TNFAIP8L1: variants seen among roughly 807,000 people sequenced by gnomAD.
The protein encoded by TNFAIP8L1 is tumor necrosis factor alpha-induced protein 8-like protein 1.
For synonymous variants in TNFAIP8L1, 127 were observed against 125.6 expected (o/e 1.01, Z -0.08); for missense variants, 225 against 266.1 (o/e 0.85, Z 1.08).
rs1485267674 is a variant in TNFAIP8L1 at position 4,654,830 on chromosome 19, G to A, written c.*2400G>A. ...TCAGCAGGGGGCAGGGGTTCTCAAA[G>A]ATTGCAAAATGCTGCTGCAGGTCAG... is the stretch of plus-strand genomic sequence containing the variant. On this transcript the variant is annotated 3_prime_UTR_variant, in exon 2 of 2. Transcript: ENST00000327473. 1.3e-5 allele frequency: 2 copies of A among 152,208 alleles called. No homozygotes were observed. The highest frequency in any genetic ancestry group is 6.6e-5 in the Admixed American group (1 of 15,266). 9.4% of individuals were successfully genotyped at this position (152,208 alleles called of 1,614,324 possible). A position where few individuals can be genotyped will look rare whatever the true frequency, so the allele number is the denominator to read the frequency against.
chr19:4,651,069 A>G (rs1425134673), intron 1 of TNFAIP8L1, among the ~76,000 whole-genome samples: 2 of 152,174 alleles, frequency 1.3e-5, no homozygotes, highest in African/African-American at 4.8e-5. Flanking sequence ...AGGCACTGCC[A>G]TAGTAATGGG....
rs537444430 is a variant in TNFAIP8L1 at position 4,645,522 on chromosome 19, C to T, written c.-4+5893C>T. On this transcript the variant is annotated intron_variant, in intron 1 of 1. Coordinates refer to ENST00000327473, the MANE Select transcript of TNFAIP8L1 (RefSeq NM_152362.3). The surrounding 1 kb of genome is among the most constrained non-coding windows in gnomAD (Gnocchi z 4.1). ...GCTTGAATCCGGGAGGCAGAGGTTG[C>T]AGTGAGCTGAGATTTGGCCACTGCA... 9.9e-5 allele frequency among the ~76,000 whole-genome samples: 15 copies of T among 152,066 alleles called. No individual in the cohort carries two copies. Among genetic ancestry groups the T allele is most frequent in the Admixed American group, 8.5e-4 (13 of 15,270 alleles).
intron 1 of TNFAIP8L1, among the ~76,000 whole-genome samples, chr19:4,644,078 G>A (rs1336086195): frequency 4.0e-5 from 6 of 149,698 alleles, no homozygotes; most frequent in Non-Finnish European, 7.4e-5. Flanking sequence ...AAAATTAACC[G>A]GGCGTGGTGG....
intron 1 of TNFAIP8L1, among the ~76,000 whole-genome samples, chr19:4,643,071 G>C (rs2088277760): frequency 6.6e-6 from 1 of 151,972 alleles, no homozygotes; most frequent in Non-Finnish European, 1.5e-5. Context: ...CTGAGGTCAG[G>C]AGTTGGAGAC....
intron 1 of TNFAIP8L1, among the ~76,000 whole-genome samples, chr19:4,651,519 C>G (rs1001309767): frequency 6.6e-5 from 10 of 151,920 alleles, no homozygotes; most frequent in African/African-American, 2.2e-4. Flanking sequence ...TCACTGCAAC[C>G]TCCGCCTCCC....
At chr19:4,647,763 C>T (rs1046168507) in intron 1 of TNFAIP8L1, among the ~76,000 whole-genome samples, 7 of 151,956 alleles carry the variant, frequency 4.6e-5, no homozygotes, top group African/African-American at 1.7e-4. Context: ...CCTGGGACCA[C>T]AGACCCGTGC....
At position 4,652,534 on chromosome 19, in the gene TNFAIP8L1, C is replaced by T; in HGVS notation, c.*104C>T. On this transcript the variant is annotated 3_prime_UTR_variant, in exon 2 of 2. Transcript: ENST00000327473. ...TTCCACCTCTTTTCTCCCAATCGGACTCCGGCCAAACTCCCCTAGACAGAT... is the reference window on the plus strand; with the variant it reads ...TTCCACCTCTTTTCTCCCAATCGGATTCCGGCCAAACTCCCCTAGACAGAT... 2 of 1,200,276 alleles carry T rather than the reference C, an allele frequency of 1.7e-6. No individual in the cohort carries two copies. Among genetic ancestry groups the T allele is most frequent in the Non-Finnish European group, 2.3e-6 (2 of 874,990 alleles). The allele number at this position is 1,200,276 out of a possible 1,614,324, so 74.4% of individuals were successfully genotyped here. A position where few individuals can be genotyped will look rare whatever the true frequency, so the allele number is the denominator to read the frequency against.
intron 1 of TNFAIP8L1, among the ~76,000 whole-genome samples, chr19:4,651,661 C>T (rs547337114): frequency 6.6e-6 from 1 of 152,196 alleles, no homozygotes; most frequent in Non-Finnish European, 1.5e-5. Flanking sequence ...AGGCTGGTCT[C>T]GCACTCCTAA....
intron 1 of TNFAIP8L1, among the ~76,000 whole-genome samples, chr19:4,642,642 C>T (rs1377634757): frequency 6.7e-6 from 1 of 150,268 alleles, no homozygotes; most frequent in Admixed American, 6.6e-5. Context: ...AGGCAGAGGG[C>T]ACAGGTTGTG....
At chr19:4,647,493 G>A (rs1229923762) in intron 1 of TNFAIP8L1, among the ~76,000 whole-genome samples, 1 of 150,934 alleles carries the variant, frequency 6.6e-6, no homozygotes, top group Admixed American at 6.6e-5. Context: ...TGTATTTTTA[G>A]TAGAGATAAG....
At chr19:4,643,970 C>T (rs1198749792) in intron 1 of TNFAIP8L1, among the ~76,000 whole-genome samples, 1 of 151,986 alleles carries the variant, frequency 6.6e-6, no homozygotes, top group Non-Finnish European at 1.5e-5. Flanking sequence ...CCTGTAATCC[C>T]AGCACTTTGG....
At position 4,652,451 on chromosome 19, in the gene TNFAIP8L1, C is replaced by T. The variant is rs562205943; in HGVS notation, c.*21C>T. 9 of 1,481,240 alleles carry T rather than the reference C, an allele frequency of 6.1e-6. No homozygotes were observed. The highest frequency in any genetic ancestry group is 5.1e-5 in the East Asian group (2 of 39,500). The allele number at this position is 1,481,240 out of a possible 1,614,324, so 91.8% of individuals were successfully genotyped here. On this transcript the variant is annotated 3_prime_UTR_variant, in exon 2 of 2. Coordinates refer to ENST00000327473, the MANE Select transcript of TNFAIP8L1 (RefSeq NM_152362.3). ...TCTGAACCCCGGCGCCGCCCAACCG[C>T]GCCCCTCGCGCCTTTTGGGGCTCTC...
At chr19:4,648,084 G>A (rs1268790193) in intron 1 of TNFAIP8L1, among the ~76,000 whole-genome samples, 3 of 152,212 alleles carry the variant, frequency 2.0e-5, no homozygotes, top group South Asian at 2.1e-4. Flanking sequence ...TGGGAATGAC[G>A]AATAGGCACA....
At position 4,645,788 on chromosome 19, in the gene TNFAIP8L1, CAGATG is replaced by C. The variant is rs2088305118; in HGVS notation, c.-3-6078_-3-6074del. Among the ~76,000 whole-genome samples the C allele has an allele frequency of 6.6e-6, 1 of 151,742 alleles. No individual in the cohort carries two copies. Among genetic ancestry groups the C allele is most frequent in the South Asian group, 2.1e-4 (1 of 4,818 alleles). ...AGTTGGTGCCTGGTCACCCATTTTGCAGATGGGAAAGCTGCCCCCATGCATGGGGC... is the reference window on the plus strand; with the variant it reads ...AGTTGGTGCCTGGTCACCCATTTTGCGGAAAGCTGCCCCCATGCATGGGGC... On this transcript the variant is annotated intron_variant, in intron 1 of 1. Coordinates refer to ENST00000327473, the MANE Select transcript of TNFAIP8L1 (RefSeq NM_152362.3). The surrounding 1 kb of genome is among the most constrained non-coding windows in gnomAD (Gnocchi z 4.1).
chr19:4,651,307 T>G (rs2088362304), intron 1 of TNFAIP8L1, among the ~76,000 whole-genome samples: 1 of 152,056 alleles, frequency 6.6e-6, no homozygotes, highest in Non-Finnish European at 1.5e-5. Context: ...CTCTGTTTGT[T>G]TATAATAATA....
At chr19:4,644,936 G>T (rs1345243872) in intron 1 of TNFAIP8L1, among the ~76,000 whole-genome samples, 1 of 152,170 alleles carries the variant, frequency 6.6e-6, no homozygotes, top group Admixed American at 6.5e-5. Context: ...TGGTGCAGTG[G>T]GACCCTGGGA....
chr19:4,648,689 G>A (rs978224655), intron 1 of TNFAIP8L1, among the ~76,000 whole-genome samples: 6 of 152,174 alleles, frequency 3.9e-5, no homozygotes, highest in African/African-American at 1.4e-4. Flanking sequence ...TTCAGCCTCA[G>A]GACTCACAGA....
chr19:4,647,715 G>A (rs1001611874), intron 1 of TNFAIP8L1, among the ~76,000 whole-genome samples: 13 of 148,470 alleles, frequency 8.8e-5, no homozygotes, highest in African/African-American at 3.0e-4. Context: ...TTGACCTCGT[G>A]GGCTCAAGCG....
At chr19:4,647,340 A>C (rs1489820273) in intron 1 of TNFAIP8L1, among the ~76,000 whole-genome samples, 1 of 151,844 alleles carries the variant, frequency 6.6e-6, no homozygotes. Flanking sequence ...TTTGTGACGG[A>C]GTCTCGCTCT....
Sources: gnomAD v4.1 joint callset for allele counts (sites outside exome capture counted in the v4.1 genomes callset) on GRCh38, gnomAD v4.1.1 for gene constraint, Gnocchi (gnomAD v3.1) non-coding constraint, MANE v1.5 for transcripts, NCBI Gene and HGNC (gene_info 2026-07-23, HGNC 2026-07-21) for gene names.